Variants in LARGE1 observed in about 807,000 individuals in gnomAD.
LARGE1 encodes xylosyl- and glucuronyltransferase LARGE1.
LARGE1 carries 43 observed loss-of-function variants against 87.6 expected under a neutral mutation model. That is an observed-to-expected ratio of 0.49 (90% CI 0.38 to 0.63). The LOEUF (loss-of-function observed/expected upper bound fraction) is 0.63, where lower values mean the gene tolerates loss of function less well. LARGE1 is among the 30% of genes least tolerant of loss of function. LARGE1 has a pLI of 0.00. For missense variants in LARGE1, 802 were observed against 1,000.2 expected (o/e 0.80, Z 2.67); for synonymous variants, 434 against 394.6 (o/e 1.10, Z -1.18).
intron 1 of LARGE1, among the ~76,000 whole-genome samples, chr22:33,799,564 C>T (rs1216958946): frequency 6.6e-6 from 1 of 152,074 alleles, no homozygotes; most frequent in South Asian, 2.1e-4. Context: ...CCTCAGCTGC[C>T]CAGGTAGCTG....
At chr22:33,320,462 G>A (rs974351538) in intron 10 of LARGE1, among the ~76,000 whole-genome samples, 3 of 152,154 alleles carry the variant, frequency 2.0e-5, no homozygotes, top group Admixed American at 6.5e-5. Flanking sequence ...CACTCAGTTC[G>A]TAACTCCATT....
At chr22:33,723,356 A>T (rs1427856330) in intron 2 of LARGE1, among the ~76,000 whole-genome samples, 1 of 152,206 alleles carries the variant, frequency 6.6e-6, no homozygotes, top group East Asian at 1.9e-4. Flanking sequence ...GAGGCATGCC[A>T]TCTTTCTTTC....
chr22:33,283,813 A>G (rs1282048143), intron 12 of LARGE1, among the ~76,000 whole-genome samples: 2 of 148,886 alleles, frequency 1.3e-5, no homozygotes, highest in East Asian at 1.9e-4. Flanking sequence ...AGAAAGAAAG[A>G]AAGGAAGAGA....
At chr22:33,331,082 T>C (rs150481836) in intron 10 of LARGE1, among the ~76,000 whole-genome samples, 68 of 152,292 alleles carry the variant, frequency 4.5e-4, no homozygotes, top group African/African-American at 1.6e-3. Flanking sequence ...TATGATCACA[T>C]GGGTCAGGCA....
chr22:33,842,228 C>T (rs16993149), intron 1 of LARGE1, among the ~76,000 whole-genome samples: 1,696 of 152,244 alleles, frequency 0.011, 33 homozygotes, highest in African/African-American at 0.039. Flanking sequence ...TAAGTGCCTT[C>T]GACGCACGCT....
intron 2 of LARGE1, chr22:33,732,961 TCTC>T (rs1376903825): frequency 6.6e-6 from 1 of 152,328 alleles, no homozygotes; most frequent in Non-Finnish European, 1.5e-5. Context: ...GTTCATGTCA[TCTC>T]CTGTATCAAG....
intron 2 of LARGE1, chr22:33,747,958 C>T (rs1210435640): frequency 1.4e-5 from 2 of 142,864 alleles, no homozygotes; most frequent in African/African-American, 2.6e-5. Flanking sequence ...CCAGCTGGGA[C>T]ACCACCTCAA....
intron 9 of LARGE1, among the ~76,000 whole-genome samples, chr22:33,364,184 A>G (rs897383627): frequency 9.9e-5 from 15 of 152,016 alleles, no homozygotes; most frequent in African/African-American, 4.8e-5. Flanking sequence ...CCTCCCGAGT[A>G]GCTGGGACTA....
At chr22:33,199,396 A>T (rs1924254284) in intron 11 of LARGE1, among the ~76,000 whole-genome samples, 1 of 151,982 alleles carries the variant, frequency 6.6e-6, no homozygotes, top group Non-Finnish European at 1.5e-5. Context: ...TCTTTGTTCC[A>T]TTTGCTTTTG....
chr22:33,366,808 C>A (rs1002055162), intron 9 of LARGE1, among the ~76,000 whole-genome samples: 4 of 151,766 alleles, frequency 2.6e-5, no homozygotes, highest in African/African-American at 9.7e-5. Flanking sequence ...CAGACTAATG[C>A]ACTTTTTTTT....
chr22:33,626,146 T>C, intron 4 of LARGE1, 98 bp downstream of exon 4: 4 of 961,516 alleles, frequency 4.2e-6, no homozygotes, highest in Admixed American at 1.8e-5. Flanking sequence ...GCTAGAATGA[T>C]TGATGAGAAA....
Position 33,611,523 on chromosome 22 carries a change from C to T in LARGE1, c.492-6965G>A, listed in dbSNP as rs139509445. Among the ~76,000 whole-genome samples, 755 of 152,246 alleles carry T rather than the reference C, an allele frequency of 5.0e-3. 9 individuals carry two copies. The highest frequency in any genetic ancestry group is 0.017 in the African/African-American group (723 of 41,546). On this transcript the variant is annotated intron_variant, in intron 4 of 14. Transcript: ENST00000397394. Reference sequence around the variant, plus strand: ...TGGGAATAAGAGTGTTGACCTCATGCCTGTACCACCATTGCATCTTGGAAG... The same window carrying T: ...TGGGAATAAGAGTGTTGACCTCATGTCTGTACCACCATTGCATCTTGGAAG...
chr22:33,091,386 C>T, the LARGE1 span, among the ~76,000 whole-genome samples: 1 of 152,056 alleles, frequency 6.6e-6, no homozygotes, highest in Middle Eastern at 3.2e-3. Context: ...CATGGTGAAA[C>T]CTTGTCTTTA....
At chr22:33,683,079 A>G (rs1205428997) in intron 2 of LARGE1, among the ~76,000 whole-genome samples, 1 of 152,274 alleles carries the variant, frequency 6.6e-6, no homozygotes. Flanking sequence ...ACCATAAGAT[A>G]TACGATGCAA....
chr22:33,919,155 T>C (rs2065871427), intron 1 of LARGE1, among the ~76,000 whole-genome samples: 1 of 146,278 alleles, frequency 6.8e-6, no homozygotes, highest in Non-Finnish European at 1.5e-5. Context: ...ACCCAAGGGA[T>C]GGATTCAGTG....
intron 10 of LARGE1, among the ~76,000 whole-genome samples, chr22:33,316,461 C>T (rs1480058542): frequency 6.6e-6 from 1 of 152,222 alleles, no homozygotes; most frequent in Non-Finnish European, 1.5e-5. Flanking sequence ...TGCCTGGGGA[C>T]CGGCTGTGGT....
intron 11 of LARGE1, among the ~76,000 whole-genome samples, chr22:33,267,226 G>A (rs1360166839): frequency 1.3e-5 from 2 of 151,672 alleles, no homozygotes; most frequent in Admixed American, 6.6e-5. Context: ...GGGCGACAGA[G>A]GGGACCCTGT....
the LARGE1 span, among the ~76,000 whole-genome samples, chr22:33,089,336 CT>C: frequency 1.3e-5 from 1 of 74,620 alleles, no homozygotes; most frequent in African/African-American, 7.1e-5. Context: ...TCTTCTTCTT[CT>C]TCTTCTTCTT....
chr22:33,195,432 C>T lies in LARGE1; in HGVS notation c.1731-28600G>A, dbSNP rs571306985. ...TATCATTATTGGCTATATTTGGGGT[C>T]ATAAAATAAGTTTTATTAAATTAAA... On this transcript the variant is annotated intron_variant, in intron 11 of 11. Transcript: ENST00000608642. 2.6e-4 allele frequency among the ~76,000 whole-genome samples: 40 copies of T among 152,022 alleles called. 2 individuals are homozygous for T. The South Asian group carries it at 6.2e-3, about 24-fold the overall frequency.
Sources: allele counts gnomAD v4.1 joint callset (sites outside exome capture counted in the v4.1 genomes callset), GRCh38; gene constraint gnomAD v4.1.1; transcripts MANE v1.5; gene names NCBI Gene and HGNC (gene_info 2026-07-23, HGNC 2026-07-21).